The following FAM114A1 variants were observed in gnomAD, a reference collection of about 807,000 sequenced individuals.
FAM114A1 encodes family with sequence similarity 114 member A1, also known as protein NOXP20.
Under a neutral mutation model 64.3 loss-of-function variants are expected in FAM114A1, and 62 were observed. The observed-to-expected ratio is 0.96, with a 90% CI of 0.79 to 1.19. The LOEUF is 1.19. Ranked by LOEUF, FAM114A1 falls within the 50% of genes most tolerant of loss-of-function variation. The probability of loss-of-function intolerance (pLI) is 0.00; values close to 1 mark genes in which losing one functional copy is unlikely to be tolerated. For missense variants in FAM114A1, 645 were observed against 676.3 expected (o/e 0.95, Z 0.51); for synonymous variants, 254 against 251.1 (o/e 1.01, Z -0.11).
intron 13 of FAM114A1, among the ~76,000 whole-genome samples, chr4:38,939,259 C>T (rs1472642071): frequency 1.3e-5 from 2 of 152,130 alleles, no homozygotes; most frequent in African/African-American, 4.8e-5. Context: ...GGAAGAAAAA[C>T]CTGAATCTAA....
chr4:38,922,980 C>A, intron 9 of FAM114A1, 87 bp downstream of exon 9: 10 of 1,393,028 alleles, frequency 7.2e-6, no homozygotes, highest in Non-Finnish European at 9.6e-6. Flanking sequence ...CTTTGAATTA[C>A]TTAATTCAAG....
At chr4:38,915,607 G>A (rs1043810125) in intron 8 of FAM114A1, among the ~76,000 whole-genome samples, 4 of 152,054 alleles carry the variant, frequency 2.6e-5, no homozygotes, top group Admixed American at 6.6e-5. Context: ...GAATGCTCCC[G>A]TACACACACC....
chr4:38,920,024 C>T (rs183586665), intron 8 of FAM114A1, among the ~76,000 whole-genome samples: 1 of 152,238 alleles, frequency 6.6e-6, no homozygotes, highest in East Asian at 1.9e-4. Context: ...GCCTGGCCAA[C>T]ATGGCGAAAC....
At chr4:38,880,731 A>G (rs1560288730) in intron 3 of FAM114A1, among the ~76,000 whole-genome samples, 1 of 152,208 alleles carries the variant, frequency 6.6e-6, no homozygotes, top group Non-Finnish European at 1.5e-5. Flanking sequence ...ACTGTTAACA[A>G]ATATCTTGGT....
At chr4:38,903,861 A>C (rs1262031604) in intron 4 of FAM114A1, among the ~76,000 whole-genome samples, 3 of 152,206 alleles carry the variant, frequency 2.0e-5, no homozygotes, top group African/African-American at 7.2e-5. Context: ...TTTTCTAGGT[A>C]GTGTATAAGG....
At position 38,944,668 on chromosome 4, in the gene FAM114A1, A is replaced by T. The variant is rs1170142057; in HGVS notation, c.*1111A>T. 2 of 152,238 alleles carry T rather than the reference A, an allele frequency of 1.3e-5. No homozygotes were observed. The highest frequency in any genetic ancestry group is 4.8e-5 in the African/African-American group (2 of 41,436). The allele number at this position is 152,238 out of a possible 1,614,324, so 9.4% of individuals were successfully genotyped here. A position where few individuals can be genotyped will look rare whatever the true frequency, so the allele number is the denominator to read the frequency against. On this transcript the variant is annotated 3_prime_UTR_variant, in exon 15 of 15. Coordinates refer to ENST00000358869, the MANE Select transcript of FAM114A1 (RefSeq NM_138389.4). Reference sequence around the variant, plus strand: ...CTCTGCCTCCCGTCAGGTCAGCAGCAGCATTAGAGTCTCATGGGAGTGCGA... The same window carrying T: ...CTCTGCCTCCCGTCAGGTCAGCAGCTGCATTAGAGTCTCATGGGAGTGCGA...
At chr4:38,942,187 T>C (rs12648029) in intron 14 of FAM114A1, among the ~76,000 whole-genome samples, 10,228 of 152,254 alleles carry the variant, frequency 0.067, 442 homozygotes, top group East Asian at 0.25. Context: ...TTGTGGGACT[T>C]AAAATTCAAG....
At chr4:38,930,492 G>C (rs1375755969) in intron 10 of FAM114A1, among the ~76,000 whole-genome samples, 1 of 152,102 alleles carries the variant, frequency 6.6e-6, no homozygotes, top group Non-Finnish European at 1.5e-5. Flanking sequence ...CTGCTCAGAG[G>C]GGGCATGTGG....
chr4:38,883,562 A>G (rs775507196), intron 3 of FAM114A1, among the ~76,000 whole-genome samples: 1 of 152,190 alleles, frequency 6.6e-6, no homozygotes, highest in Non-Finnish European at 1.5e-5. Flanking sequence ...CCCAATGTTA[A>G]CACTGTTGAG....
chr4:38,902,583 T>G (rs561466051), intron 4 of FAM114A1, among the ~76,000 whole-genome samples: 1 of 152,342 alleles, frequency 6.6e-6, no homozygotes, highest in African/African-American at 2.4e-5. Flanking sequence ...TTTAAAATGA[T>G]ACATTATCGA....
chr4:38,873,518 A>G (rs6820957), intron 2 of FAM114A1, among the ~76,000 whole-genome samples: 48,715 of 152,084 alleles, frequency 0.32, 8,470 homozygotes, highest in African/African-American at 0.41. Context: ...TTTACAAATC[A>G]TAGGAAAAAC....
At chr4:38,877,023 T>G (rs1183642030) in intron 2 of FAM114A1, among the ~76,000 whole-genome samples, 2 of 152,204 alleles carry the variant, frequency 1.3e-5, no homozygotes, top group African/African-American at 2.4e-5. Flanking sequence ...GATCCTTATC[T>G]TACTCACATC....
At chr4:38,906,225 C>T (rs1303924869) in intron 6 of FAM114A1, among the ~76,000 whole-genome samples, 1 of 151,988 alleles carries the variant, frequency 6.6e-6, no homozygotes, top group Non-Finnish European at 1.5e-5. Context: ...TTATCTTATC[C>T]CTGAGTTTGA....
chr4:38,884,444 T>C (rs950044906), intron 3 of FAM114A1, among the ~76,000 whole-genome samples: 3 of 152,248 alleles, frequency 2.0e-5, no homozygotes, highest in Non-Finnish European at 2.9e-5. Context: ...GGTGTTAACA[T>C]ATAAATAACA....
In FAM114A1 at chr4:38,905,762, T is replaced by C. The variant is rs1298647224; in HGVS notation, c.558T>C (p.Asp186=). The C allele has an allele frequency of 1.9e-6, 3 of 1,612,574 alleles. No homozygotes were observed. Among genetic ancestry groups the C allele is most frequent in the Non-Finnish European group, 2.5e-6 (3 of 1,179,642 alleles). Residue 186 remains aspartate, a synonymous_variant, in exon 6 of 15, where the codon GAT becomes GAC. Transcript: ENST00000358869. ...NTENGVPEIT[D]AATDQGPAES... is the part of the protein sequence containing the mutation. ...TTTCTTTTTTCTCTTTAGTAACAGATGCAGCCACAGATCAGGGCCCTGCAG... is the reference window on the plus strand; with the variant it reads ...TTTCTTTTTTCTCTTTAGTAACAGACGCAGCCACAGATCAGGGCCCTGCAG...
intron 8 of FAM114A1, among the ~76,000 whole-genome samples, chr4:38,917,672 G>A (rs1719203067): frequency 6.6e-6 from 1 of 152,168 alleles, no homozygotes; most frequent in South Asian, 2.1e-4. Context: ...TATCATGGTG[G>A]TGGAGAATGA....
intron 3 of FAM114A1, among the ~76,000 whole-genome samples, chr4:38,888,763 G>T (rs1288838562): frequency 6.6e-6 from 1 of 152,156 alleles, no homozygotes; most frequent in East Asian, 1.9e-4. Context: ...GGAGGTGGGA[G>T]TTATGGGGGA....
chr4:38,880,720 T>A (rs1261372127), intron 3 of FAM114A1, among the ~76,000 whole-genome samples: 2 of 152,252 alleles, frequency 1.3e-5, no homozygotes, highest in Non-Finnish European at 2.9e-5. Flanking sequence ...TCCTAAGTGC[T>A]ACTGTTAACA....
chr4:38,875,752 C>CT (rs1714550660), intron 2 of FAM114A1, among the ~76,000 whole-genome samples: 1 of 152,100 alleles, frequency 6.6e-6, no homozygotes, highest in African/African-American at 2.4e-5. Context: ...AAGGGGAATG[C>CT]TTCCAGTTTT....
Sources: gnomAD v4.1 joint callset for allele counts (sites outside exome capture counted in the v4.1 genomes callset) on GRCh38, gnomAD v4.1.1 for gene constraint, MANE v1.5 for transcripts, NCBI Gene and HGNC (gene_info 2026-07-23, HGNC 2026-07-21) for gene names.